The following R3HDM2 variants were observed in gnomAD, a reference collection of about 807,000 sequenced individuals.
R3HDM2 encodes the protein R3H domain containing 2.
In R3HDM2, 38 loss-of-function variants were observed where a neutral mutation model predicts 124.5. That is an observed-to-expected ratio of 0.31 (90% CI 0.24 to 0.40). The LOEUF is 0.40. Among genes scored for constraint, R3HDM2 ranks in the 10% least tolerant of loss-of-function variants. R3HDM2 has a pLI of 1.00. For missense variants in R3HDM2, 869 were observed against 1,236.9 expected, an observed-to-expected ratio of 0.70 and a Z score of 4.46; for synonymous variants, 391 against 448.0, an observed-to-expected ratio of 0.87 and a Z score of 1.61.
chr12:57,294,751 T>C (rs79228488), intron 10 of R3HDM2, among the ~76,000 whole-genome samples: 1 of 152,154 alleles, frequency 6.6e-6, no homozygotes, highest in Admixed American at 6.5e-5. Flanking sequence ...GTCAAAGCAA[T>C]AGCCAGGCCC....
intron 2 of R3HDM2, among the ~76,000 whole-genome samples, chr12:57,318,421 T>G (rs1287338766): frequency 6.7e-6 from 1 of 150,262 alleles, no homozygotes; most frequent in Non-Finnish European, 1.5e-5. Flanking sequence ...GGGGCCGAGG[T>G]GGGCAGATCA....
intron 17 of R3HDM2, 41 bp downstream of exon 17, chr12:57,268,881 C>G (rs1402682111): frequency 6.3e-7 from 1 of 1,592,136 alleles, no homozygotes. Flanking sequence ...TTCCTCATGC[C>G]AAGGACTGGG....
chr12:57,299,750 G>C (rs1167389104), intron 5 of R3HDM2, among the ~76,000 whole-genome samples: 3 of 152,178 alleles, frequency 2.0e-5, no homozygotes, highest in Admixed American at 1.3e-4. Flanking sequence ...ACCACCAGAG[G>C]GGGAGGGTAC....
rs115419893 is a variant in R3HDM2 at position 57,256,092 on chromosome 12, C to T, written c.2548-18G>A. 1.8e-3 allele frequency: 2,890 copies of T among 1,602,896 alleles called. 47 individuals are homozygous for T. The African/African-American group carries it at 0.036, about 20-fold the overall frequency. On this transcript the variant is annotated intron_variant, in intron 22 of 23. Transcript: ENST00000402412. ...CTCTGTCCCTTCAACATTTGAAAGA[C>T]GACTCTCATCCCATGTAAACAACAT...
chr12:57,387,439 C>T (rs754756489), intron 2 of R3HDM2, among the ~76,000 whole-genome samples: 4 of 152,088 alleles, frequency 2.6e-5, no homozygotes, highest in Admixed American at 6.6e-5. Context: ...CGCAAGGGTC[C>T]GTGGCTTCAT....
chr12:57,284,241 G>A (rs2046835905), intron 12 of R3HDM2, among the ~76,000 whole-genome samples, 185 bp from the exon 13 acceptor site: 1 of 152,206 alleles, frequency 6.6e-6, no homozygotes, highest in African/African-American at 2.4e-5. Context: ...ACAAGATCCA[G>A]TACAGTAACA....
At chr12:57,333,034 C>G (rs982958462) in intron 2 of R3HDM2, among the ~76,000 whole-genome samples, 4 of 152,206 alleles carry the variant, frequency 2.6e-5, no homozygotes, top group African/African-American at 9.6e-5. Flanking sequence ...AAACGCAAAA[C>G]TCTTGACTTC....
chr12:57,268,990 G>A lies in R3HDM2; in HGVS notation c.1807C>T (p.Gln603Ter). 1 of 1,614,194 alleles carries A rather than the reference G, an allele frequency of 6.2e-7. No homozygotes were observed. Among genetic ancestry groups the A allele is most frequent in the Non-Finnish European group, 8.5e-7 (1 of 1,180,030 alleles). ...QPQNQGLLSS[Q>*]RSSMGGQMQG... ...ATCTGGCCCCCCATGCTGCTCCTCT[G>A]GCTGCTGAGCAGGCCCTGGTTCTGT... The change falls in exon 17 of 24, where the codon CAG (glutamine) becomes TAG (stop). Residue 603 changes from glutamine (Q) to a stop codon, truncating the protein, a stop_gained. Transcript: ENST00000402412. LOFTEE classifies it high-confidence loss of function.
At chr12:57,398,725 G>C (rs1350450965) in intron 1 of R3HDM2, among the ~76,000 whole-genome samples, 1 of 152,168 alleles carries the variant, frequency 6.6e-6, no homozygotes, top group African/African-American at 2.4e-5. Flanking sequence ...CTGACCTCAA[G>C]TGATCCGCCC....
intron 2 of R3HDM2, among the ~76,000 whole-genome samples, chr12:57,320,080 GA>G (rs1294590505): frequency 6.6e-6 from 1 of 151,660 alleles, no homozygotes; most frequent in East Asian, 1.9e-4. Flanking sequence ...CCAACACGGT[GA>G]AACCCCGTTT....
intron 11 of R3HDM2, among the ~76,000 whole-genome samples, chr12:57,290,648 T>C (rs958199552): frequency 6.6e-6 from 1 of 152,236 alleles, no homozygotes; most frequent in African/African-American, 2.4e-5. Flanking sequence ...AGTTTTCCTC[T>C]TGTTGCCCAG....
intron 2 of R3HDM2, among the ~76,000 whole-genome samples, chr12:57,386,505 C>T (rs1405558648): frequency 1.3e-5 from 2 of 152,246 alleles, no homozygotes; most frequent in Admixed American, 6.5e-5. Flanking sequence ...TGCCTCCCCT[C>T]GGGGCAGGGC....
intron 1 of R3HDM2, among the ~76,000 whole-genome samples, chr12:57,397,180 G>A (rs534226803): frequency 6.6e-6 from 1 of 152,270 alleles, no homozygotes; most frequent in South Asian, 2.1e-4. Flanking sequence ...AAAGAGGCCA[G>A]AGGCAGAATT....
chr12:57,379,351 C>T (rs2064527344), intron 2 of R3HDM2, among the ~76,000 whole-genome samples: 1 of 152,140 alleles, frequency 6.6e-6, no homozygotes, highest in Non-Finnish European at 1.5e-5. Flanking sequence ...GAGGCCGAGG[C>T]AGGCAGATCA....
At chr12:57,412,135 TAA>T (rs2069060502) in intron 1 of R3HDM2, among the ~76,000 whole-genome samples, 1 of 152,246 alleles carries the variant, frequency 6.6e-6, no homozygotes, top group Non-Finnish European at 1.5e-5. Flanking sequence ...CATTTCTTTA[TAA>T]CAGTGTGAGA....
intron 1 of R3HDM2, among the ~76,000 whole-genome samples, chr12:57,414,902 G>A (rs2069419543): frequency 6.6e-6 from 1 of 151,896 alleles, no homozygotes; most frequent in African/African-American, 2.4e-5. Context: ...CCCATTCAAG[G>A]AATCAGGATT....
At chr12:57,416,675 G>A (rs1030338048) in intron 1 of R3HDM2, among the ~76,000 whole-genome samples, 5 of 152,050 alleles carry the variant, frequency 3.3e-5, no homozygotes, top group East Asian at 1.9e-4. Context: ...GGCAGTGGTG[G>A]CACATGCCTG....
intron 11 of R3HDM2, 42 bp downstream of exon 11, chr12:57,292,530 G>C: frequency 7.4e-7 from 1 of 1,352,058 alleles, no homozygotes; most frequent in Non-Finnish European, 1.0e-6. Context: ...ATGATTAAGA[G>C]CTAAAAGCTA....
chr12:57,303,038 G>T, intron 4 of R3HDM2, 138 bp downstream of exon 4: 1 of 752,256 alleles, frequency 1.3e-6, no homozygotes, highest in Non-Finnish European at 2.2e-6. Flanking sequence ...CACTTACGCA[G>T]GTTCACAATT....
Sources: gnomAD v4.1 joint callset for allele counts (sites outside exome capture counted in the v4.1 genomes callset) on GRCh38, gnomAD v4.1.1 for gene constraint, MANE v1.5 for transcripts, NCBI Gene and HGNC (gene_info 2026-07-23, HGNC 2026-07-21) for gene names.